Variants in PLOD1 observed in about 807,000 individuals in gnomAD.
PLOD1 encodes procollagen-lysine,2-oxoglutarate 5-dioxygenase 1, also known as lysine hydroxylase.
PLOD1 carries 70 observed loss-of-function variants against 94.7 expected under a neutral mutation model. The ratio of observed to expected loss-of-function variants is 0.74; its 90% CI spans 0.61 to 0.90. The LOEUF is 0.90. PLOD1 is among the 40% of genes least tolerant of loss of function. The pLI is 0.00. For missense variants in PLOD1, 905 were observed against 972.7 expected, an observed-to-expected ratio of 0.93 and a Z score of 0.93; for synonymous variants, 417 against 400.2, an observed-to-expected ratio of 1.04 and a Z score of -0.50.
intron 9 of PLOD1, 25 bp from the exon 10 acceptor site, chr1:11,960,621 T>C (rs2100754116): frequency 1.7e-6 from 2 of 1,177,848 alleles, no homozygotes; most frequent in Non-Finnish European, 2.5e-6. Flanking sequence ...CACCCCCGCA[T>C]CCCCTTCCCC....
At position 11,949,886 on chromosome 1, in the gene PLOD1, G is replaced by T; in HGVS notation, c.282G>T (p.Leu94=). The T allele has an allele frequency of 1.2e-6, 2 of 1,614,116 alleles. No individual in the cohort carries two copies. Among genetic ancestry groups the T allele is most frequent in the South Asian group, 2.2e-5 (2 of 91,084 alleles). ...ALEKHADKED[L]VILFADSYDV... ...AGAAGCACGCAGACAAGGAGGATCTGGTCATTCTCTTCGCAGACAGGTAGG... is the reference window on the plus strand; with the variant it reads ...AGAAGCACGCAGACAAGGAGGATCTTGTCATTCTCTTCGCAGACAGGTAGG... The change falls in exon 3 of 19, where the codon CTG becomes CTT. Residue 94 remains leucine, a synonymous_variant. Coordinates refer to ENST00000196061, the MANE Select transcript of PLOD1 (RefSeq NM_000302.4).
chr1:11,948,008 G>A lies in PLOD1; in HGVS notation c.109G>A (p.Glu37Lys), dbSNP rs369263247. The A allele has an allele frequency of 6.4e-5, 104 of 1,613,806 alleles. 1 individual carries two copies. In the East Asian group the frequency reaches 9.8e-4, roughly 15 times the overall value. ...TTTAGTCCTCACGGTGGCCACTAAGGAGACCGAGGGATTCCGTCGCTTCAA... is the reference window on the plus strand; with the variant it reads ...TTTAGTCCTCACGGTGGCCACTAAGAAGACCGAGGGATTCCGTCGCTTCAA... ...NLLVLTVATK[E>K]TEGFRRFKRS... Residue 37 changes from glutamate (E) to lysine (K), a missense_variant, in exon 2 of 19, where the codon GAG (glutamate) becomes AAG (lysine). Glu to Lys is a moderately conservative substitution (Grantham distance 56). Coordinates refer to ENST00000196061, the MANE Select transcript of PLOD1 (RefSeq NM_000302.4).
intron 4 of PLOD1, among the ~76,000 whole-genome samples, chr1:11,950,746 A>C (rs952188406): frequency 6.6e-6 from 1 of 151,196 alleles, no homozygotes; most frequent in Non-Finnish European, 1.5e-5. Context: ...GTCACTCCTG[A>C]CTCCTCCCTT....
chr1:11,966,848 A>T, intron 15 of PLOD1, 139 bp from the exon 16 acceptor site: 1 of 701,084 alleles, frequency 1.4e-6, no homozygotes, highest in East Asian at 2.6e-5. Flanking sequence ...CTCCCCACTC[A>T]GTCTCTCCAG....
intron 1 of PLOD1, among the ~76,000 whole-genome samples, chr1:11,936,848 TTTC>T (rs1266254670): frequency 2.0e-4 from 20 of 101,678 alleles, no homozygotes; most frequent in African/African-American, 7.9e-4. Flanking sequence ...TTTTCTTTTC[TTTC>T]TTTTTTTTTT....
intron 9 of PLOD1, among the ~76,000 whole-genome samples, chr1:11,959,162 G>A (rs896725549): frequency 1.8e-4 from 27 of 151,754 alleles, no homozygotes; most frequent in Non-Finnish European, 3.2e-4. Flanking sequence ...CCGAGATTGC[G>A]CCATTGCACT....
rs191856008 is a variant in PLOD1 at position 11,964,378 on chromosome 1, A to T, written c.1328+78A>T. The stretch of plus-strand genomic sequence containing the variant: ...CCTGGGCTTGTGGGGCTCCCTCCCT[A>T]TTATTCCTGTTCTTGTTACCCTCAA... On this transcript the variant is annotated intron_variant, in intron 12 of 18. Transcript: ENST00000196061. 1,302 of 1,425,036 alleles carry T rather than the reference A, an allele frequency of 9.1e-4. 16 individuals carry two copies. The East Asian group carries it at 0.026, about 29-fold the overall frequency. 88.3% of individuals were successfully genotyped at this position (1,425,036 alleles called of 1,614,324 possible).
intron 1 of PLOD1, among the ~76,000 whole-genome samples, chr1:11,941,138 C>T (rs544718477): frequency 1.3e-5 from 2 of 152,270 alleles, no homozygotes; most frequent in East Asian, 1.9e-4. Context: ...GAGTGTTGAC[C>T]GTGAAATAAG....
At chr1:11,949,276 GA>G (rs1295126945) in intron 2 of PLOD1, among the ~76,000 whole-genome samples, 1 of 152,168 alleles carries the variant, frequency 6.6e-6, no homozygotes, top group African/African-American at 2.4e-5. Context: ...CCGGATGTGG[GA>G]GGGGCAGGAA....
chr1:11,934,955 G>C (rs1221918984), intron 1 of PLOD1, 100 bp downstream of exon 1: 1 of 1,396,488 alleles, frequency 7.2e-7, no homozygotes, highest in Non-Finnish European at 9.5e-7. Context: ...GCCTGGGCTG[G>C]AGAGGGAGTC....
chr1:11,940,495 T>G (rs1284502687), intron 1 of PLOD1, among the ~76,000 whole-genome samples: 1 of 152,222 alleles, frequency 6.6e-6, no homozygotes, highest in East Asian at 1.9e-4. Context: ...TGAATCCTCA[T>G]GAAAGTCTCT....
chr1:11,964,666 A>G lies in PLOD1; in HGVS notation c.1351A>G (p.Ile451Val), dbSNP rs759788811. Residue 451 changes from isoleucine to valine, a missense_variant, in exon 13 of 19, where the codon ATT (isoleucine) becomes GTT (valine). Transcript: ENST00000196061. ...RRVGVWNVPYISNIYLIKGSA... is the reference protein window; with the variant it reads ...RRVGVWNVPYVSNIYLIKGSA... ...CAGTGGTGTCTGGAATGTGCCCTAT[A>G]TTTCAAACATCTACTTGATCAAGGG... 1 of 1,612,960 alleles carries G rather than the reference A, an allele frequency of 6.2e-7. No homozygotes were observed. Among genetic ancestry groups the G allele is most frequent in the Non-Finnish European group, 8.5e-7 (1 of 1,179,966 alleles).
chr1:11,972,718 TGCAG>T lies in PLOD1; in HGVS notation c.1903-150_1903-147del. On this transcript the variant is annotated intron_variant, in intron 17 of 18. Coordinates refer to ENST00000196061, the MANE Select transcript of PLOD1 (RefSeq NM_000302.4). The surrounding 1 kb of genome is among the most constrained non-coding windows in gnomAD (Gnocchi z 4.6). ...GAGAACCTTTTCTGTGCCAGGTAGTTGCAGGCACTCGAGCATAGAGCCCCATGTA... is the reference window on the plus strand; with the variant it reads ...GAGAACCTTTTCTGTGCCAGGTAGTTGCACTCGAGCATAGAGCCCCATGTA... The T allele has an allele frequency of 2.7e-6, 2 of 747,592 alleles. No homozygotes were observed. Among genetic ancestry groups the T allele is most frequent in the Non-Finnish European group, 4.8e-6 (2 of 419,314 alleles). The allele number at this position is 747,592 out of a possible 1,614,324, so 46.3% of individuals were successfully genotyped here.
In PLOD1 at chr1:11,958,062, T is replaced by C; in HGVS notation, c.843+119T>C. The stretch of plus-strand genomic sequence containing the variant: ...TTTGGTGGAAAGTGAAGGGGTCACC[T>C]CCCTGCCTGGGGTTCTATCCCGGTT... On this transcript the variant is annotated intron_variant, in intron 8 of 18. Transcript: ENST00000196061. This position sits in a 1 kb window ranked among gnomAD's most constrained non-coding sequence, Gnocchi z 4.3. The C allele has an allele frequency of 1.3e-6, 1 of 754,618 alleles. No individual in the cohort carries two copies. Among genetic ancestry groups the C allele is most frequent in the African/African-American group, 1.7e-5 (1 of 58,138 alleles). The allele number at this position is 754,618 out of a possible 1,614,324, so 46.7% of individuals were successfully genotyped here.
rs565513365 is a variant in PLOD1 at position 11,966,985 on chromosome 1, A to G, written c.1651-2A>G. On this transcript the variant is annotated splice_acceptor_variant, in intron 15 of 18. Transcript: ENST00000196061. LOFTEE classifies it high-confidence loss of function. ...CCTTGACTGAGTCCCTGCCCTCCCC[A>G]GCCCTGCCCGGATGTCTATTGGTTC... 35 of 1,603,286 alleles carry G rather than the reference A, an allele frequency of 2.2e-5. No homozygotes were observed. Among genetic ancestry groups the G allele is most frequent in the Non-Finnish European group, 3.0e-5 (35 of 1,170,292 alleles).
At chr1:11,967,597 G>GTATATATATATATATAAAGAAATA (rs1553136675) in intron 16 of PLOD1, among the ~76,000 whole-genome samples, 2 of 59,780 alleles carry the variant, frequency 3.3e-5, no homozygotes, top group African/African-American at 6.7e-5. Context: ...GTGTGTGTGT[G>GTATATATATATATATAAAGAAATA]TATATATATA....
rs112794777 is a variant in PLOD1 at position 11,938,505 on chromosome 1, G to A, written c.76+3650G>A. Among the ~76,000 whole-genome samples, 1,185 of 152,276 alleles carry A rather than the reference G, an allele frequency of 7.8e-3. 5 individuals carry two copies. The highest frequency in any genetic ancestry group is 0.018 in the South Asian group (85 of 4,830). On this transcript the variant is annotated intron_variant, in intron 1 of 18. Transcript: ENST00000196061. ...GGTGTGACCTTTAGCCAGCTGGACAGGAGGACAGAGTGGGTTGCTCATCTT... is the reference window on the plus strand; with the variant it reads ...GGTGTGACCTTTAGCCAGCTGGACAAGAGGACAGAGTGGGTTGCTCATCTT...
At chr1:11,966,875 C>A in intron 15 of PLOD1, 112 bp from the exon 16 acceptor site, 1 of 776,184 alleles carries the variant, frequency 1.3e-6, no homozygotes, top group South Asian at 1.4e-5. Context: ...CAAGGCCCTG[C>A]TCCCCGGGGA....
At chr1:11,949,166 G>C (rs7418108) in intron 2 of PLOD1, among the ~76,000 whole-genome samples, 40,569 of 152,000 alleles carry the variant, frequency 0.27, 7,892 homozygotes, top group African/African-American at 0.55. Context: ...AAGGAGACAG[G>C]CTTTCCTTTT....
Sources: allele counts gnomAD v4.1 joint callset (sites outside exome capture counted in the v4.1 genomes callset), GRCh38; gene constraint gnomAD v4.1.1; non-coding constraint Gnocchi (gnomAD v3.1); transcripts MANE v1.5; gene names NCBI Gene and HGNC (gene_info 2026-07-23, HGNC 2026-07-21).